Variants in TTPAL observed in about 807,000 individuals in gnomAD.
TTPAL encodes the protein alpha-tocopherol transfer protein-like.
Under a neutral mutation model 28.7 loss-of-function variants are expected in TTPAL, and 21 were observed. The observed-to-expected ratio is 0.73, with a 90% CI of 0.52 to 1.06. TTPAL has a LOEUF of 1.06. Ranked by LOEUF, TTPAL falls within the 50% of genes least tolerant of loss-of-function variation. The probability of loss-of-function intolerance (pLI) is 0.00; values close to 1 mark genes in which losing one functional copy is unlikely to be tolerated. For missense variants in TTPAL, 345 were observed against 425.5 expected, an observed-to-expected ratio of 0.81 and a Z score of 1.67; for synonymous variants, 169 against 171.9, an observed-to-expected ratio of 0.98 and a Z score of 0.13.
In TTPAL at chr20:44,477,801, C is replaced by T. The variant is rs1398517540; in HGVS notation, c.-16+1810C>T. 8.5e-5 allele frequency among the ~76,000 whole-genome samples: 13 copies of T among 152,054 alleles called. No homozygotes were observed. The East Asian group carries it at 2.5e-3, about 29-fold the overall frequency. Reference sequence around the variant, plus strand: ...TCCCAAGTAGCTGGCACTACAGGCCCGCACCACCATGCCTGGCTAATTTTT... The same window carrying T: ...TCCCAAGTAGCTGGCACTACAGGCCTGCACCACCATGCCTGGCTAATTTTT... On this transcript the variant is annotated intron_variant, in intron 1 of 4. Transcript: ENST00000262605.
intron 3 of TTPAL, among the ~76,000 whole-genome samples, chr20:44,484,737 T>G (rs935731803): frequency 3.3e-5 from 5 of 152,254 alleles, no homozygotes; most frequent in Non-Finnish European, 7.3e-5. Context: ...GAGTAGGTAC[T>G]TCAGTAAGAC....
In TTPAL at chr20:44,490,945, G is replaced by GCAT. The variant is rs1397089851; in HGVS notation, c.*1404_*1405insCAT. On this transcript the variant is annotated 3_prime_UTR_variant, in exon 5 of 5. Coordinates refer to ENST00000262605, the MANE Select transcript of TTPAL (RefSeq NM_001039199.3). ...ACAAAAATTAGCTGGGCGTGGTGGC[G>GCAT]GGCTCCTGTAGTCCCAGCTACTCGG... 6 of 151,550 alleles carry GCAT rather than the reference G, an allele frequency of 4.0e-5. No individual in the cohort carries two copies. The allele number at this position is 151,550 out of a possible 1,614,324, so 9.4% of individuals were successfully genotyped here.
intron 2 of TTPAL, among the ~76,000 whole-genome samples, chr20:44,482,504 C>T (rs974268486): frequency 6.2e-5 from 9 of 144,672 alleles, no homozygotes; most frequent in African/African-American, 2.3e-4. Context: ...ACCCGGGAGG[C>T]AGAGGTTGCA....
chr20:44,479,920 A>G (rs1368353257), intron 1 of TTPAL, 65 bp from the exon 2 acceptor site: 3 of 1,377,922 alleles, frequency 2.2e-6, no homozygotes, highest in Non-Finnish European at 3.0e-6. Flanking sequence ...TGTCCCCTAC[A>G]CTGTACTGCC....
At position 44,494,191 on chromosome 20, in the gene TTPAL, T is replaced by C. The variant is rs906758313; in HGVS notation, c.*4650T>C. 1 of 152,370 alleles carries C rather than the reference T, an allele frequency of 6.6e-6. No individual in the cohort carries two copies. The highest frequency in any genetic ancestry group is 1.5e-5 in the Non-Finnish European group (1 of 68,032). 9.4% of individuals were successfully genotyped at this position (152,370 alleles called of 1,614,324 possible). ...TGATAGTGATGAAATTCCTGTTTCATGGGGCTGTTTTTCTTTTCATCTCAC... is the reference window on the plus strand; with the variant it reads ...TGATAGTGATGAAATTCCTGTTTCACGGGGCTGTTTTTCTTTTCATCTCAC... On this transcript the variant is annotated 3_prime_UTR_variant, in exon 5 of 5. Transcript: ENST00000262605.
chr20:44,486,489 G>A, intron 3 of TTPAL, 107 bp from the exon 4 acceptor site: 1 of 717,522 alleles, frequency 1.4e-6, no homozygotes, highest in Non-Finnish European at 2.5e-6. Flanking sequence ...AGGCCATAAG[G>A]ATCAGATCAG....
At position 44,492,193 on chromosome 20, in the gene TTPAL, G is replaced by A. The variant is rs1051103426; in HGVS notation, c.*2652G>A. On this transcript the variant is annotated 3_prime_UTR_variant, in exon 5 of 5. Coordinates refer to ENST00000262605, the MANE Select transcript of TTPAL (RefSeq NM_001039199.3). ...GGTGGTCTCCTTGTGGCTTCACCAG[G>A]ATGTTTGTGTCAGGCTGTCTCAGCA... The A allele has an allele frequency of 3.3e-5, 5 of 152,344 alleles. No homozygotes were observed. Among genetic ancestry groups the A allele is most frequent in the African/African-American group, 1.2e-4 (5 of 41,440 alleles). 9.4% of individuals were successfully genotyped at this position (152,344 alleles called of 1,614,324 possible). A position where few individuals can be genotyped will look rare whatever the true frequency, so the allele number is the denominator to read the frequency against.
rs564814228 is a variant in TTPAL at position 44,476,656 on chromosome 20, T to C, written c.-16+665T>C. On this transcript the variant is annotated intron_variant, in intron 1 of 4. Transcript: ENST00000262605. ...TGTAAAATGGCAACAGTAATAGCGC[T>C]CTCACCAAATAACGTGAAGATTAAA... Among the ~76,000 whole-genome samples, 395 of 152,322 alleles carry C rather than the reference T, an allele frequency of 2.6e-3. 4 individuals are homozygous for C. Among genetic ancestry groups the C allele is most frequent in the South Asian group, 0.019 (93 of 4,828 alleles).
Position 44,486,217 on chromosome 20 carries a change from G to C in TTPAL, c.640-379G>C, listed in dbSNP as rs573557380. The C allele has an allele frequency of 1.8e-3, 281 of 155,218 alleles. 1 individual carries two copies. The highest frequency in any genetic ancestry group is 3.0e-3 in the Non-Finnish European group (207 of 69,978). 9.6% of individuals were successfully genotyped at this position (155,218 alleles called of 1,614,324 possible). A position where few individuals can be genotyped will look rare whatever the true frequency, so the allele number is the denominator to read the frequency against. The stretch of plus-strand genomic sequence containing the variant: ...AGCCTCAGCCTCTCCAAGTAGCTGG[G>C]ATTATAGACACGTGCCACCATGCCC... On this transcript the variant is annotated intron_variant, in intron 3 of 4. Coordinates refer to ENST00000262605, the MANE Select transcript of TTPAL (RefSeq NM_001039199.3).
rs559551842 is a variant in TTPAL, at chr20:44,493,709, A to G, written c.*4168A>G. 6.6e-6 allele frequency: 1 copy of G among 152,358 alleles called. No individual in the cohort carries two copies. Among genetic ancestry groups the G allele is most frequent in the East Asian group, 1.9e-4 (1 of 5,318 alleles). 9.4% of individuals were successfully genotyped at this position (152,358 alleles called of 1,614,324 possible). A position where few individuals can be genotyped will look rare whatever the true frequency, so the allele number is the denominator to read the frequency against. On this transcript the variant is annotated 3_prime_UTR_variant, in exon 5 of 5. Coordinates refer to ENST00000262605, the MANE Select transcript of TTPAL (RefSeq NM_001039199.3). ...GTCAGTTCTGGTAACACCTCTCTGT[A>G]TTGGGATCTGTTAATTTTGTAAATC...
chr20:44,477,435 T>C (rs919645430), intron 1 of TTPAL, among the ~76,000 whole-genome samples: 1 of 151,994 alleles, frequency 6.6e-6, no homozygotes, highest in Non-Finnish European at 1.5e-5. Flanking sequence ...CAACAGACAA[T>C]TGCAACAGGG....
At position 44,491,522 on chromosome 20, in the gene TTPAL, A is replaced by G. The variant is rs1005933822; in HGVS notation, c.*1981A>G. The G allele has an allele frequency of 5.9e-5, 9 of 152,448 alleles. 1 individual carries two copies. In the South Asian group the frequency reaches 1.9e-3, roughly 32 times the overall value. 9.4% of individuals were successfully genotyped at this position (152,448 alleles called of 1,614,324 possible). On this transcript the variant is annotated 3_prime_UTR_variant, in exon 5 of 5. Coordinates refer to ENST00000262605, the MANE Select transcript of TTPAL (RefSeq NM_001039199.3). Reference sequence around the variant, plus strand: ...CTCTATTGCCTTTTTAAATGTCTGGATAAGTTGTTGGTGGAAATTAAGTTA... The same window carrying G: ...CTCTATTGCCTTTTTAAATGTCTGGGTAAGTTGTTGGTGGAAATTAAGTTA...
rs918124289 is a variant in TTPAL at position 44,493,386 on chromosome 20, C to T, written c.*3845C>T. 8.5e-5 allele frequency: 13 copies of T among 152,332 alleles called. No homozygotes were observed. The highest frequency in any genetic ancestry group is 3.1e-4 in the African/African-American group (13 of 41,432). The allele number at this position is 152,332 out of a possible 1,614,324, so 9.4% of individuals were successfully genotyped here. A position where few individuals can be genotyped will look rare whatever the true frequency, so the allele number is the denominator to read the frequency against. On this transcript the variant is annotated 3_prime_UTR_variant, in exon 5 of 5. Coordinates refer to ENST00000262605, the MANE Select transcript of TTPAL (RefSeq NM_001039199.3). ...CCTTTATATTGAGCCTTTCAGAATT[C>T]TCCCTGGGTGGGCAATTTCTTTAAA...
chr20:44,481,924 C>A (rs1305355468), intron 2 of TTPAL, among the ~76,000 whole-genome samples: 1 of 152,202 alleles, frequency 6.6e-6, no homozygotes, highest in African/African-American at 2.4e-5. Flanking sequence ...CCTCTGTACT[C>A]AACTCATAAG....
intron 3 of TTPAL, among the ~76,000 whole-genome samples, chr20:44,484,776 T>A (rs1376063889): frequency 6.6e-6 from 1 of 152,216 alleles, no homozygotes; most frequent in Non-Finnish European, 1.5e-5. Flanking sequence ...AGAATTTGCT[T>A]GTTGCCTTTT....
At position 44,491,491 on chromosome 20, in the gene TTPAL, G is replaced by A. The variant is rs2064205772; in HGVS notation, c.*1950G>A. The A allele has an allele frequency of 6.6e-6, 1 of 152,330 alleles. No homozygotes were observed. Among genetic ancestry groups the A allele is most frequent in the South Asian group, 2.1e-4 (1 of 4,834 alleles). 9.4% of individuals were successfully genotyped at this position (152,330 alleles called of 1,614,324 possible). ...AAGGCCAATCTGTTGTTACTAAGCT[G>A]TTTATCTCTATTGCCTTTTTAAATG... On this transcript the variant is annotated 3_prime_UTR_variant, in exon 5 of 5. Coordinates refer to ENST00000262605, the MANE Select transcript of TTPAL (RefSeq NM_001039199.3).
chr20:44,491,834 G>A lies in TTPAL; in HGVS notation c.*2293G>A, dbSNP rs1476244743. 3 of 152,342 alleles carry A rather than the reference G, an allele frequency of 2.0e-5. No individual in the cohort carries two copies. The highest frequency in any genetic ancestry group is 2.9e-5 in the Non-Finnish European group (2 of 68,098). The allele number at this position is 152,342 out of a possible 1,614,324, so 9.4% of individuals were successfully genotyped here. ...GATAAACAAAACAAAACAAAAACTGGGTAAAGAGGAATGAATCACTCAGCC... is the reference window on the plus strand; with the variant it reads ...GATAAACAAAACAAAACAAAAACTGAGTAAAGAGGAATGAATCACTCAGCC... On this transcript the variant is annotated 3_prime_UTR_variant, in exon 5 of 5. Coordinates refer to ENST00000262605, the MANE Select transcript of TTPAL (RefSeq NM_001039199.3).
intron 2 of TTPAL, among the ~76,000 whole-genome samples, chr20:44,482,814 T>C (rs1447991651): frequency 6.6e-6 from 1 of 152,024 alleles, no homozygotes; most frequent in African/African-American, 2.4e-5. Flanking sequence ...CATAGCACTA[T>C]GTTCCATCCT....
Position 44,480,695 on chromosome 20 carries a change from C to A in TTPAL, c.445+251C>A, listed in dbSNP as rs1222489580. 5.9e-5 allele frequency among the ~76,000 whole-genome samples: 9 copies of A among 152,192 alleles called. No homozygotes were observed. Among genetic ancestry groups the A allele is most frequent in the African/African-American group, 2.2e-4 (9 of 41,434 alleles). On this transcript the variant is annotated intron_variant, in intron 2 of 4. Transcript: ENST00000262605. This position sits in a 1 kb window ranked among gnomAD's most constrained non-coding sequence, Gnocchi z 4.1. ...GGCAGCTTTTACTAGGGCCTAGAAC[C>A]AAGAACCAGAATGCCACCAGGAGCC...
Sources: gnomAD v4.1 joint callset for allele counts (sites outside exome capture counted in the v4.1 genomes callset) on GRCh38, gnomAD v4.1.1 for gene constraint, Gnocchi (gnomAD v3.1) non-coding constraint, MANE v1.5 for transcripts, NCBI Gene and HGNC (gene_info 2026-07-23, HGNC 2026-07-21) for gene names.